The following CORO2B variants were observed in gnomAD, a reference collection of about 807,000 sequenced individuals.
CORO2B encodes coronin-2B.
CORO2B carries 26 observed loss-of-function variants against 58.8 expected under a neutral mutation model. The observed-to-expected ratio is 0.44, with a 90% CI of 0.32 to 0.61. CORO2B has a LOEUF of 0.61. CORO2B is among the 20% of genes least tolerant of loss of function. The pLI is 0.04. For synonymous variants in CORO2B, 242 were observed against 253.8 expected (o/e 0.95, Z 0.44); for missense variants, 460 against 645.1 (o/e 0.71, Z 3.11).
At chr15:68,654,033 G>T (rs1901725794) in intron 2 of CORO2B, among the ~76,000 whole-genome samples, 1 of 152,278 alleles carries the variant, frequency 6.6e-6, no homozygotes, top group African/African-American at 2.4e-5. Context: ...GCCCATGACA[G>T]CCTGAATGTA....
chr15:68,563,183 T>A, the CORO2B span, among the ~76,000 whole-genome samples: 2 of 149,962 alleles, frequency 1.3e-5, no homozygotes, highest in African/African-American at 4.9e-5. Flanking sequence ...AGGAAAGAAA[T>A]AATAAAGATT....
chr15:68,663,785 A>G (rs995618442), intron 2 of CORO2B, among the ~76,000 whole-genome samples: 1 of 152,230 alleles, frequency 6.6e-6, no homozygotes, highest in Admixed American at 6.5e-5. Flanking sequence ...CCAAATAGCC[A>G]ATAGGCCTGT....
intron 5 of CORO2B, among the ~76,000 whole-genome samples, chr15:68,712,756 G>A (rs1193402533): frequency 6.6e-6 from 1 of 152,082 alleles, no homozygotes; most frequent in African/African-American, 2.4e-5. Flanking sequence ...GCTGGGTGCT[G>A]TTACTCCTCT....
chr15:68,579,073 CG>C lies in CORO2B; in HGVS notation c.-187del. Reference sequence around the variant, plus strand: ...CGGGGCTGACATCAGCGACGAGCGGCGGGCGAGCGCCGACGAGCGGTCCCTG... The same window carrying C: ...CGGGGCTGACATCAGCGACGAGCGGCGGCGAGCGCCGACGAGCGGTCCCTG... On this transcript the variant is annotated 5_prime_UTR_variant, in exon 1 of 12. Transcript: ENST00000261861. 2.0e-6 allele frequency: 2 copies of C among 983,724 alleles called. No homozygotes were observed. The highest frequency in any genetic ancestry group is 2.4e-6 in the Non-Finnish European group (2 of 829,298). The allele number at this position is 983,724 out of a possible 1,614,324, so 60.9% of individuals were successfully genotyped here. A position where few individuals can be genotyped will look rare whatever the true frequency, so the allele number is the denominator to read the frequency against.
At chr15:68,658,302 G>GAGT (rs1901889227) in intron 2 of CORO2B, among the ~76,000 whole-genome samples, 1 of 152,100 alleles carries the variant, frequency 6.6e-6, no homozygotes, top group Admixed American at 6.6e-5. Flanking sequence ...TTGTTCAATG[G>GAGT]AGGAGGAGGG....
chr15:68,600,949 C>T (rs879064362), intron 1 of CORO2B, among the ~76,000 whole-genome samples: 1 of 152,112 alleles, frequency 6.6e-6, no homozygotes, highest in Non-Finnish European at 1.5e-5. Flanking sequence ...TAGAAATGAC[C>T]GGAGAGAGAG....
chr15:68,710,991 C>A lies in CORO2B; in HGVS notation c.483+110C>A. ...TCCTAAGCAACCAATATGGCCTCAT[C>A]TGTTCATTTGCTTATTCATTCATTC... On this transcript the variant is annotated intron_variant, in intron 4 of 11. Transcript: ENST00000261861. This position sits in a 1 kb window ranked among gnomAD's most constrained non-coding sequence, Gnocchi z 4.1. 8.3e-7 allele frequency: 1 copy of A among 1,210,990 alleles called. No individual in the cohort carries two copies. Among genetic ancestry groups the A allele is most frequent in the Non-Finnish European group, 1.1e-6 (1 of 893,812 alleles). 75.0% of individuals were successfully genotyped at this position (1,210,990 alleles called of 1,614,324 possible).
At chr15:68,625,337 G>A (rs1377969112) in intron 1 of CORO2B, among the ~76,000 whole-genome samples, 1 of 150,818 alleles carries the variant, frequency 6.6e-6, no homozygotes, top group Admixed American at 6.6e-5. Context: ...CTTTTTTAGT[G>A]TCCACTTCTA....
upstream of CORO2B, among the ~76,000 whole-genome samples, chr15:68,575,577 G>GCACCCCCCCCC (rs370419859): frequency 2.6e-5 from 1 of 38,752 alleles, no homozygotes; most frequent in African/African-American, 6.6e-5. Flanking sequence ...CTTGTGATCT[G>GCACCCCCCCCC]CCCCCGCCTC....
chr15:68,629,631 C>A (rs1900773365), intron 1 of CORO2B, among the ~76,000 whole-genome samples: 1 of 152,166 alleles, frequency 6.6e-6, no homozygotes, highest in South Asian at 2.1e-4. Context: ...CTGAGCAGCT[C>A]CCAGGCCTTC....
At chr15:68,637,888 G>C (rs146760498) in intron 1 of CORO2B, among the ~76,000 whole-genome samples, 2 of 152,270 alleles carry the variant, frequency 1.3e-5, no homozygotes, top group Non-Finnish European at 2.9e-5. Flanking sequence ...GCTAAATTTT[G>C]CTCATGTCAT....
chr15:68,706,880 T>C (rs1892798180), intron 3 of CORO2B, among the ~76,000 whole-genome samples: 1 of 151,934 alleles, frequency 6.6e-6, no homozygotes, highest in African/African-American at 2.4e-5. Context: ...TCCAGCTAAT[T>C]TTTTCCTTTT....
At chr15:68,524,595 T>G in the CORO2B span, among the ~76,000 whole-genome samples, 2 of 152,342 alleles carry the variant, frequency 1.3e-5, no homozygotes, top group East Asian at 3.9e-4. Context: ...GGATATTTTT[T>G]CCATTTTGCA....
intron 5 of CORO2B, among the ~76,000 whole-genome samples, chr15:68,711,934 C>T (rs190582249): frequency 6.6e-6 from 1 of 152,166 alleles, no homozygotes; most frequent in African/African-American, 2.4e-5. Context: ...CACTGCACCC[C>T]CTACCTCCAG....
chr15:68,687,395 G>C (rs565055119), intron 2 of CORO2B, among the ~76,000 whole-genome samples: 1 of 152,340 alleles, frequency 6.6e-6, no homozygotes, highest in East Asian at 1.9e-4. Context: ...AATGCAGGTT[G>C]GTTTGAAACT....
rs1902606214 is a variant in CORO2B, at chr15:68,676,902, G to A, written c.217-18238G>A. Among the ~76,000 whole-genome samples the A allele has an allele frequency of 2.0e-5, 3 of 152,050 alleles. No homozygotes were observed. The South Asian group carries it at 6.2e-4, about 32-fold the overall frequency. On this transcript the variant is annotated intron_variant, in intron 2 of 11. Transcript: ENST00000261861. ...CCTCCCACATCAGCCTCCCCAAGTA[G>A]CTGGGACCAGAGGTGTGCACCACCA...
intron 1 of CORO2B, among the ~76,000 whole-genome samples, chr15:68,612,660 C>A (rs1355400102): frequency 6.6e-6 from 1 of 152,170 alleles, no homozygotes; most frequent in Non-Finnish European, 1.5e-5. Flanking sequence ...GAGTTCACAC[C>A]TTGGTCTGCT....
intron 1 of CORO2B, among the ~76,000 whole-genome samples, 184 bp downstream of exon 1, chr15:68,579,461 G>C (rs1215375711): frequency 6.6e-6 from 1 of 151,984 alleles, no homozygotes; most frequent in Non-Finnish European, 1.5e-5. Context: ...GCGGAGGCCA[G>C]GGGGAGGATG....
intron 1 of CORO2B, among the ~76,000 whole-genome samples, chr15:68,600,746 T>G (rs1899960197): frequency 6.6e-6 from 1 of 152,140 alleles, no homozygotes; most frequent in Non-Finnish European, 1.5e-5. Flanking sequence ...AAAGGACATT[T>G]GAGGAAATGA....
Sources: allele counts gnomAD v4.1 joint callset (sites outside exome capture counted in the v4.1 genomes callset), GRCh38; gene constraint gnomAD v4.1.1; non-coding constraint Gnocchi (gnomAD v3.1); transcripts MANE v1.5; gene names NCBI Gene and HGNC (gene_info 2026-07-23, HGNC 2026-07-21).